Variants in ARHGAP12 observed in about 807,000 individuals in gnomAD.
The protein encoded by ARHGAP12 is rho GTPase-activating protein 12.
A neutral mutation model predicts 108.6 loss-of-function variants in ARHGAP12; 64 were observed. The observed-to-expected ratio is 0.59, with a 90% CI of 0.48 to 0.73. The LOEUF is 0.73. ARHGAP12 is among the 30% of genes least tolerant of loss of function. ARHGAP12 has a pLI of 0.00. For missense variants in ARHGAP12, 940 were observed against 1,005.9 expected (o/e 0.93, Z 0.89); for synonymous variants, 312 against 337.2 (o/e 0.93, Z 0.82).
At chr10:31,852,323 C>T (rs1264534396) in intron 6 of ARHGAP12, among the ~76,000 whole-genome samples, 194 bp downstream of exon 6, 1 of 152,146 alleles carries the variant, frequency 6.6e-6, no homozygotes, top group African/African-American at 2.4e-5. Context: ...TAGCAACAAT[C>T]AGTATCACAT....
chr10:31,925,391 C>A (rs1839992316), intron 1 of ARHGAP12, among the ~76,000 whole-genome samples: 1 of 152,136 alleles, frequency 6.6e-6, no homozygotes, highest in African/African-American at 2.4e-5. Flanking sequence ...ATAATTACTG[C>A]AAAGATAGTC....
chr10:31,900,126 C>T (rs1028903222), intron 3 of ARHGAP12, among the ~76,000 whole-genome samples: 2 of 152,182 alleles, frequency 1.3e-5, no homozygotes, highest in African/African-American at 4.8e-5. Flanking sequence ...AGATGCTCAA[C>T]ATTATTTGCA....
intron 4 of ARHGAP12, among the ~76,000 whole-genome samples, chr10:31,857,013 G>C (rs551570119): frequency 1.3e-5 from 2 of 152,306 alleles, no homozygotes; most frequent in South Asian, 4.1e-4. Flanking sequence ...TATGATAAAT[G>C]TATTGTGGTT....
At chr10:31,927,858 C>T (rs1840113541) in intron 1 of ARHGAP12, among the ~76,000 whole-genome samples, 2 of 152,172 alleles carry the variant, frequency 1.3e-5, no homozygotes, top group African/African-American at 4.8e-5. Context: ...TAAAGGACAG[C>T]CGTTCTGAGA....
At chr10:31,895,567 G>A (rs1189208518) in intron 3 of ARHGAP12, among the ~76,000 whole-genome samples, 1 of 152,142 alleles carries the variant, frequency 6.6e-6, no homozygotes, top group Non-Finnish European at 1.5e-5. Context: ...AGTTAGAATG[G>A]CGATCATTAA....
intron 3 of ARHGAP12, among the ~76,000 whole-genome samples, chr10:31,891,350 G>C (rs1000043857): frequency 3.9e-5 from 6 of 152,174 alleles, no homozygotes; most frequent in African/African-American, 1.4e-4. Flanking sequence ...AGCTTAGTTA[G>C]GCTGGATATT....
chr10:31,889,626 T>C (rs1441988328), intron 3 of ARHGAP12, among the ~76,000 whole-genome samples: 1 of 134,486 alleles, frequency 7.4e-6, no homozygotes, highest in Non-Finnish European at 1.6e-5. Context: ...CTCGTTTTTT[T>C]TTTTTTTTTT....
intron 11 of ARHGAP12, among the ~76,000 whole-genome samples, chr10:31,821,253 C>T (rs761271712): frequency 3.3e-5 from 5 of 151,982 alleles, no homozygotes; most frequent in Non-Finnish European, 5.9e-5. Context: ...ACAGTTGTTA[C>T]GGGTGGGTTC....
chr10:31,877,326 T>A (rs2132353264), intron 3 of ARHGAP12, among the ~76,000 whole-genome samples: 1 of 152,328 alleles, frequency 6.6e-6, no homozygotes, highest in Non-Finnish European at 1.5e-5. Flanking sequence ...AAAAACTACC[T>A]ATGTATCAAT....
chr10:31,842,003 T>C (rs1203189366), intron 7 of ARHGAP12, among the ~76,000 whole-genome samples: 9 of 152,102 alleles, frequency 5.9e-5, no homozygotes, highest in Non-Finnish European at 1.3e-4. Flanking sequence ...AATCATATTC[T>C]TGCAACTCTG....
At chr10:31,826,583 C>T (rs929203926) in intron 10 of ARHGAP12, among the ~76,000 whole-genome samples, 198 bp from the exon 11 acceptor site, 3 of 151,918 alleles carry the variant, frequency 2.0e-5, no homozygotes, top group Non-Finnish European at 2.9e-5. Flanking sequence ...ATGAAGGCCC[C>T]AAAACAAATG....
At chr10:31,918,578 A>G (rs865838724) in intron 1 of ARHGAP12, among the ~76,000 whole-genome samples, 33 of 152,312 alleles carry the variant, frequency 2.2e-4, no homozygotes, top group African/African-American at 7.2e-4. Context: ...TTGGTGGCAC[A>G]TGCCTGTAGC....
Position 31,908,591 on chromosome 10 carries a change from T to C in ARHGAP12, c.265A>G (p.Asn89Asp), listed in dbSNP as rs373809099. 7.4e-6 allele frequency: 12 copies of C among 1,614,088 alleles called. No homozygotes were observed. Among genetic ancestry groups the C allele is most frequent in the African/African-American group, 4.0e-5 (3 of 74,940 alleles). ...CTCTGCATTATTTTCGTGGAGTTAT[T>C]TGGCAGACCAGCTACCTGCTTAACA... ...PPVKQVAGLP[N>D]NSTKIMQSLH... The change falls in exon 3 of 20, where the codon AAT becomes GAT. Residue 89 changes from asparagine to aspartate, a missense_variant. Coordinates refer to ENST00000344936, the MANE Select transcript of ARHGAP12 (RefSeq NM_018287.7).
intron 15 of ARHGAP12, among the ~76,000 whole-genome samples, chr10:31,811,665 T>TTTTATTTTA (rs1554773368): frequency 6.7e-6 from 1 of 150,046 alleles, no homozygotes. Context: ...TTAAATACCT[T>TTTTATTTTA]TTTTATTTTA....
intron 3 of ARHGAP12, among the ~76,000 whole-genome samples, chr10:31,863,905 A>T (rs963936247): frequency 3.9e-5 from 6 of 152,174 alleles, no homozygotes; most frequent in African/African-American, 1.2e-4. Flanking sequence ...TAGTATTTAA[A>T]CATCACAATC....
chr10:31,861,218 T>C (rs776953016), intron 4 of ARHGAP12, among the ~76,000 whole-genome samples, 177 bp downstream of exon 4: 2 of 152,158 alleles, frequency 1.3e-5, no homozygotes, highest in Non-Finnish European at 2.9e-5. Flanking sequence ...TAGTCAGAGA[T>C]TAGGAAGTAG....
intron 3 of ARHGAP12, among the ~76,000 whole-genome samples, chr10:31,887,088 A>T (rs1183549218): frequency 6.6e-6 from 1 of 152,162 alleles, no homozygotes; most frequent in East Asian, 1.9e-4. Context: ...TTATTTTAAG[A>T]TGTATTTATT....
At chr10:31,851,561 A>G (rs1836680711) in intron 6 of ARHGAP12, among the ~76,000 whole-genome samples, 1 of 152,210 alleles carries the variant, frequency 6.6e-6, no homozygotes, top group African/African-American at 2.4e-5. Context: ...TCACAAAGGT[A>G]TTCTTAAAAA....
At chr10:31,888,015 A>C (rs1164546918) in intron 3 of ARHGAP12, among the ~76,000 whole-genome samples, 1 of 152,108 alleles carries the variant, frequency 6.6e-6, no homozygotes. Flanking sequence ...CTGGATCTTC[A>C]AAACTTTCAG....
Sources: gnomAD v4.1 joint callset for allele counts (sites outside exome capture counted in the v4.1 genomes callset) on GRCh38, gnomAD v4.1.1 for gene constraint, MANE v1.5 for transcripts, NCBI Gene and HGNC (gene_info 2026-07-23, HGNC 2026-07-21) for gene names.